PWWP3B: variants seen among roughly 807,000 people sequenced by gnomAD.
PWWP3B encodes the protein PWWP domain-containing DNA repair factor 3B.
A neutral mutation model predicts 15.7 loss-of-function variants in PWWP3B; 5 were observed. The ratio of observed to expected loss-of-function variants is 0.32; its 90% CI spans 0.17 to 0.67. The LOEUF is 0.67. Among genes scored for constraint, PWWP3B ranks in the 30% least tolerant of loss-of-function variants. The probability of loss-of-function intolerance (pLI) is 0.74; values close to 1 mark genes in which losing one functional copy is unlikely to be tolerated. For synonymous variants in PWWP3B, 203 were observed against 179.8 expected (o/e 1.13, Z -1.03); for missense variants, 519 against 493.1 (o/e 1.05, Z -0.50).
At chrX:106,194,079 T>A (rs1923200016) in intron 2 of PWWP3B, among the ~76,000 whole-genome samples, 1 of 111,495 alleles carries the variant, frequency 9.0e-6, no homozygotes, top group Non-Finnish European at 1.9e-5. Context: ...TGAATTTGAA[T>A]GTTGGCCTGC....
chrX:106,186,116 G>A (rs1468705528), intron 2 of PWWP3B, among the ~76,000 whole-genome samples: 2 of 111,404 alleles, frequency 1.8e-5, no homozygotes, highest in Non-Finnish European at 3.8e-5. Flanking sequence ...GAGGTGAGAG[G>A]AAATTTGTCT....
intron 2 of PWWP3B, among the ~76,000 whole-genome samples, chrX:106,200,700 A>T (rs1329775877): frequency 8.9e-6 from 1 of 111,894 alleles, no homozygotes; most frequent in East Asian, 2.8e-4. Context: ...ATAAATTTTT[A>T]AAAATTAATT....
intron 2 of PWWP3B, among the ~76,000 whole-genome samples, chrX:106,189,612 CTTTTT>C (rs1277003635): frequency 1.3e-5 from 1 of 77,858 alleles, no homozygotes; most frequent in East Asian, 4.1e-4. Context: ...GCCACATTTT[CTTTTT>C]TTTTTTTTTT....
intron 2 of PWWP3B, among the ~76,000 whole-genome samples, chrX:106,173,654 C>T (rs2147582140): frequency 8.9e-6 from 1 of 112,004 alleles, no homozygotes; most frequent in East Asian, 2.8e-4. Context: ...TTACTATCCC[C>T]AGATAAATAG....
intron 2 of PWWP3B, among the ~76,000 whole-genome samples, chrX:106,200,029 C>A (rs1923607545): frequency 9.0e-6 from 1 of 111,694 alleles, no homozygotes; most frequent in African/African-American, 3.3e-5. Flanking sequence ...GATTACATTA[C>A]CCAGCCTCTA....
chrX:106,180,099 G>C (rs1284623112), intron 2 of PWWP3B, among the ~76,000 whole-genome samples: 1 of 111,548 alleles, frequency 9.0e-6, no homozygotes, highest in South Asian at 3.8e-4. Flanking sequence ...CAGTATCTGT[G>C]TCTGGCTGCC....
At position 106,207,545 on chromosome X, in the gene PWWP3B, T is replaced by A; in HGVS notation, c.*22T>A. The A allele has an allele frequency of 8.9e-7, 1 of 1,118,149 alleles. No homozygotes were observed. Among genetic ancestry groups the A allele is most frequent in the Middle Eastern group, 2.7e-4 (1 of 3,708 alleles). The allele number at this position is 1,118,149 out of a possible 1,213,427, so 92.1% of individuals were successfully genotyped here. On this transcript the variant is annotated 3_prime_UTR_variant, in exon 4 of 4. Coordinates refer to ENST00000357175, the MANE Select transcript of PWWP3B (RefSeq NM_001171020.2). ...CTAAATGTGCTGAAAGTTGAAACCA[T>A]GACAGGGAGCTCTCATAGATACTAG...
chrX:106,193,545 A>G (rs1402080019), intron 2 of PWWP3B, among the ~76,000 whole-genome samples: 16 of 111,387 alleles, frequency 1.4e-4, no homozygotes, highest in Non-Finnish European at 2.3e-4. Context: ...TTACATTTAA[A>G]GTTAATATTG....
At chrX:106,196,995 T>C (rs1923418096) in intron 2 of PWWP3B, among the ~76,000 whole-genome samples, 1 of 111,593 alleles carries the variant, frequency 9.0e-6, no homozygotes, top group Non-Finnish European at 1.9e-5. Flanking sequence ...CTTGTTCACA[T>C]GACAGCAGTT....
At chrX:106,170,961 A>G (rs1208905187) in intron 1 of PWWP3B, 51 bp from the exon 2 acceptor site, 1 of 111,579 alleles carries the variant, frequency 9.0e-6, no homozygotes, top group Non-Finnish European at 1.9e-5. Flanking sequence ...GAGTTTAGGT[A>G]GGGAAATTTA....
intron 2 of PWWP3B, among the ~76,000 whole-genome samples, chrX:106,195,678 A>C (rs908273256): frequency 1.9e-4 from 21 of 112,080 alleles, no homozygotes; most frequent in Middle Eastern, 4.6e-3. Context: ...TCCTATGTCA[A>C]TAAGAAACTG....
intron 2 of PWWP3B, among the ~76,000 whole-genome samples, chrX:106,176,530 T>C (rs147437870): frequency 0.034 from 3,823 of 111,714 alleles, 156 homozygotes; most frequent in African/African-American, 0.12. Context: ...TCTCAGAACA[T>C]TGTGAATTGT....
At chrX:106,174,306 A>G (rs757078180) in intron 2 of PWWP3B, among the ~76,000 whole-genome samples, 1 of 110,930 alleles carries the variant, frequency 9.0e-6, no homozygotes, top group Non-Finnish European at 1.9e-5. Flanking sequence ...TGAGGGCCTC[A>G]CCAACTTTAC....
At position 106,176,592 on chromosome X, in the gene PWWP3B, T is replaced by C. The variant is rs201200396; in HGVS notation, c.-401+5453T>C. Among the ~76,000 whole-genome samples the C allele has an allele frequency of 1.3e-4, 15 of 112,568 alleles. No homozygotes were observed. The East Asian group carries it at 4.2e-3, about 31-fold the overall frequency. On this transcript the variant is annotated intron_variant, in intron 2 of 3. Coordinates refer to ENST00000357175, the MANE Select transcript of PWWP3B (RefSeq NM_001171020.2). ...CTCTGCCATTTATTTCTTATTAATA[T>C]GTAAGAACTACTTTAGTGATATTTT...
chrX:106,192,445 A>T (rs1458245672), intron 2 of PWWP3B, among the ~76,000 whole-genome samples: 1 of 110,728 alleles, frequency 9.0e-6, no homozygotes, highest in Non-Finnish European at 1.9e-5. Flanking sequence ...CTTCTTTATT[A>T]GTCTTGGTAG....
intron 2 of PWWP3B, among the ~76,000 whole-genome samples, chrX:106,192,210 A>T (rs984936033): frequency 9.0e-6 from 1 of 111,281 alleles, no homozygotes. Context: ...TTATTGCCTC[A>T]ATTTCAGCTC....
chrX:106,201,966 G>A (rs753253575), intron 2 of PWWP3B, among the ~76,000 whole-genome samples: 1 of 112,062 alleles, frequency 8.9e-6, no homozygotes, highest in African/African-American at 3.2e-5. Flanking sequence ...GGGAGAAGGG[G>A]TGATCAGATT....
intron 2 of PWWP3B, among the ~76,000 whole-genome samples, chrX:106,183,066 G>A (rs902835447): frequency 8.1e-5 from 9 of 110,914 alleles, no homozygotes; most frequent in African/African-American, 2.6e-4. Flanking sequence ...TAACTCGGGT[G>A]TGGTGAATCC....
In PWWP3B at chrX:106,208,133, T is replaced by A. The variant is rs888536960; in HGVS notation, c.*610T>A. 2 of 124,192 alleles carry A rather than the reference T, an allele frequency of 1.6e-5. No homozygotes were observed. Among genetic ancestry groups the A allele is most frequent in the South Asian group, 3.6e-4 (1 of 2,781 alleles). The allele number at this position is 124,192 out of a possible 1,213,427, so 10.2% of individuals were successfully genotyped here. On this transcript the variant is annotated 3_prime_UTR_variant, in exon 4 of 4. Transcript: ENST00000357175. ...ACTTGTAATTCAAAAATGAAGATTA[T>A]CTGCATATAGTATTTATGTGTGTGA... is the stretch of plus-strand genomic sequence containing the variant.
Sources: allele counts gnomAD v4.1 joint callset (sites outside exome capture counted in the v4.1 genomes callset), GRCh38; gene constraint gnomAD v4.1.1; transcripts MANE v1.5; gene names NCBI Gene and HGNC (gene_info 2026-07-23, HGNC 2026-07-21).